Variants in CELSR1 observed in about 807,000 individuals in gnomAD.
CELSR1 encodes adhesion G protein-coupled receptor C1.
Under a neutral mutation model 249.1 loss-of-function variants are expected in CELSR1, and 110 were observed. The observed-to-expected ratio is 0.44, with a 90% CI of 0.38 to 0.52. The LOEUF is 0.52. Ranked by LOEUF, CELSR1 falls within the 20% of genes least tolerant of loss-of-function variation. The probability of loss-of-function intolerance (pLI) is 0.00; values close to 1 mark genes in which losing one functional copy is unlikely to be tolerated. For synonymous variants in CELSR1, 2,113 were observed against 1,900.0 expected (o/e 1.11, Z -2.92); for missense variants, 4,109 against 4,296.4 (o/e 0.96, Z 1.22).
chr22:46,455,482 G>A (rs545100168), intron 2 of CELSR1, among the ~76,000 whole-genome samples: 4 of 152,210 alleles, frequency 2.6e-5, no homozygotes, highest in East Asian at 1.9e-4. Context: ...CACCTGCCTC[G>A]GCCTCCCAAA....
chr22:46,501,115 C>T (rs2080461932), intron 1 of CELSR1, among the ~76,000 whole-genome samples: 1 of 151,872 alleles, frequency 6.6e-6, no homozygotes, highest in African/African-American at 2.4e-5. Context: ...CTCACCGCAA[C>T]CTTCGCCTCC....
chr22:46,443,215 A>C (rs1205639685), intron 2 of CELSR1, among the ~76,000 whole-genome samples: 2 of 152,210 alleles, frequency 1.3e-5, no homozygotes. Flanking sequence ...GCTGAATTTC[A>C]TGAGCATGCA....
chr22:46,390,083 A>T lies in CELSR1; in HGVS notation c.6345+309T>A, dbSNP rs548605252. Among the ~76,000 whole-genome samples the T allele has an allele frequency of 5.9e-5, 9 of 152,352 alleles. No homozygotes were observed. The highest frequency in any genetic ancestry group is 2.2e-4 in the African/African-American group (9 of 41,584). On this transcript the variant is annotated intron_variant, in intron 17 of 34. Transcript: ENST00000674500. The surrounding 1 kb of genome is among the most constrained non-coding windows in gnomAD (Gnocchi z 6.3). ...AGTGGGAGACGTGGGAACAAAAGCC[A>T]TGAAATAGGGCAGGATCAGAGGGCA...
rs529696300 is a variant in CELSR1 at position 46,500,962 on chromosome 22, T to C, written c.3544+32665A>G. On this transcript the variant is annotated intron_variant, in intron 1 of 34. Coordinates refer to ENST00000674500, the MANE Select transcript of CELSR1 (RefSeq NM_001378328.1). This position sits in a 1 kb window ranked among gnomAD's most constrained non-coding sequence, Gnocchi z 4.9. ...TAACACCCCTCCAGAGACCCAAAGA[T>C]CTGAAATGTTAAGATGTTTCCACTA... 6.6e-6 allele frequency among the ~76,000 whole-genome samples: 1 copy of C among 152,298 alleles called. No individual in the cohort carries two copies. Among genetic ancestry groups the C allele is most frequent in the South Asian group, 2.1e-4 (1 of 4,828 alleles).
rs748724538 is a variant in CELSR1 at position 46,448,288 on chromosome 22, TG to T, written c.4184-8878del. 2.7e-5 allele frequency among the ~76,000 whole-genome samples: 4 copies of T among 150,192 alleles called. No individual in the cohort carries two copies. Among genetic ancestry groups the T allele is most frequent in the Non-Finnish European group, 5.9e-5 (4 of 67,504 alleles). ...CCAGGGAAGACAGAGGGCATGGGGG[TG>T]GGGGCAGAGGGCCCACGCGAGGGGA... On this transcript the variant is annotated intron_variant, in intron 2 of 34. Coordinates refer to ENST00000674500, the MANE Select transcript of CELSR1 (RefSeq NM_001378328.1). The surrounding 1 kb of genome is among the most constrained non-coding windows in gnomAD (Gnocchi z 5.7).
rs145330672 is a variant in CELSR1, at chr22:46,409,334, C to T, written c.5060-172G>A. Among the ~76,000 whole-genome samples the T allele has an allele frequency of 5.8e-4, 88 of 152,308 alleles. No individual in the cohort carries two copies. The highest frequency in any genetic ancestry group is 6.8e-3 in the Middle Eastern group (2 of 294). Reference sequence around the variant, plus strand: ...CGCATCCAGCCCTCACAGTCAGCCACGTGGGCTCCAGAGAAGCGCACCCTG... The same window carrying T: ...CGCATCCAGCCCTCACAGTCAGCCATGTGGGCTCCAGAGAAGCGCACCCTG... On this transcript the variant is annotated intron_variant, in intron 8 of 34. Coordinates refer to ENST00000674500, the MANE Select transcript of CELSR1 (RefSeq NM_001378328.1). The surrounding 1 kb of genome is among the most constrained non-coding windows in gnomAD (Gnocchi z 9.8).
rs1245219536 is a variant in CELSR1 at position 46,406,078 on chromosome 22, T to C, written c.5226+2918A>G. Among the ~76,000 whole-genome samples, 1 of 152,186 alleles carries C rather than the reference T, an allele frequency of 6.6e-6. No individual in the cohort carries two copies. Among genetic ancestry groups the C allele is most frequent in the African/African-American group, 2.4e-5 (1 of 41,450 alleles). On this transcript the variant is annotated intron_variant, in intron 9 of 34. Transcript: ENST00000674500. This position sits in a 1 kb window ranked among gnomAD's most constrained non-coding sequence, Gnocchi z 5.4. ...TGTAATTACACAAACAGCACCGGAG[T>C]CTGTGGCTTCCAGCACCATTCCTAC...
rs1410437008 is a variant in CELSR1, at chr22:46,380,668, G to C, written c.7256+120C>G. 10 of 1,202,118 alleles carry C rather than the reference G, an allele frequency of 8.3e-6. No individual in the cohort carries two copies. The highest frequency in any genetic ancestry group is 1.2e-5 in the Non-Finnish European group (10 of 858,966). The allele number at this position is 1,202,118 out of a possible 1,614,324, so 74.5% of individuals were successfully genotyped here. On this transcript the variant is annotated intron_variant, in intron 22 of 34. Coordinates refer to ENST00000674500, the MANE Select transcript of CELSR1 (RefSeq NM_001378328.1). The surrounding 1 kb of genome is among the most constrained non-coding windows in gnomAD (Gnocchi z 5.1). ...TCACTGCCCCCACGGGGGACTTAAA[G>C]GGGAAACACAGACCACAAGAGACCG...
intron 1 of CELSR1, among the ~76,000 whole-genome samples, chr22:46,480,446 T>C (rs2080255434): frequency 6.6e-6 from 1 of 152,182 alleles, no homozygotes; most frequent in African/African-American, 2.4e-5. Flanking sequence ...CAAATGAGTT[T>C]CCCTCCCAAT....
Position 46,381,767 on chromosome 22 carries a change from G to C in CELSR1, c.7088+79C>G. On this transcript the variant is annotated intron_variant, in intron 21 of 34. Transcript: ENST00000674500. This position sits in a 1 kb window ranked among gnomAD's most constrained non-coding sequence, Gnocchi z 6.0. Reference sequence around the variant, plus strand: ...CACTGTGAAGACCTGTGCTTGATCAGGATCAGGATTTTGACCTGTGGAAGC... The same window carrying C: ...CACTGTGAAGACCTGTGCTTGATCACGATCAGGATTTTGACCTGTGGAAGC... 7.7e-7 allele frequency: 1 copy of C among 1,296,512 alleles called. No homozygotes were observed. Among genetic ancestry groups the C allele is most frequent in the Non-Finnish European group, 1.1e-6 (1 of 944,730 alleles). 80.3% of individuals were successfully genotyped at this position (1,296,512 alleles called of 1,614,324 possible).
In CELSR1 at chr22:46,430,011, G is replaced by A. The variant is rs1300562567; in HGVS notation, c.4611+3382C>T. On this transcript the variant is annotated intron_variant, in intron 5 of 34. Coordinates refer to ENST00000674500, the MANE Select transcript of CELSR1 (RefSeq NM_001378328.1). The surrounding 1 kb of genome is among the most constrained non-coding windows in gnomAD (Gnocchi z 4.6). Reference sequence around the variant, plus strand: ...TGTGGGGACCCTGACTGCTCCACCAGCCTGGCAGCTCCCAGGCCCTGTACA... The same window carrying A: ...TGTGGGGACCCTGACTGCTCCACCAACCTGGCAGCTCCCAGGCCCTGTACA... Among the ~76,000 whole-genome samples the A allele has an allele frequency of 6.6e-6, 1 of 152,204 alleles. No individual in the cohort carries two copies. The highest frequency in any genetic ancestry group is 2.4e-5 in the African/African-American group (1 of 41,450).
intron 1 of CELSR1, among the ~76,000 whole-genome samples, chr22:46,519,844 AT>A (rs1379551062): frequency 1.3e-5 from 2 of 149,530 alleles, no homozygotes; most frequent in Non-Finnish European, 3.0e-5. Context: ...CAGGCACAAG[AT>A]TTATAGTTCA....
At position 46,430,032 on chromosome 22, in the gene CELSR1, G is replaced by C. The variant is rs190861352; in HGVS notation, c.4611+3361C>G. Among the ~76,000 whole-genome samples the C allele has an allele frequency of 1.8e-3, 280 of 152,328 alleles. 3 individuals carry two copies. Among genetic ancestry groups the C allele is most frequent in the Admixed American group, 0.015 (234 of 15,308 alleles). On this transcript the variant is annotated intron_variant, in intron 5 of 34. Transcript: ENST00000674500. The surrounding 1 kb of genome is among the most constrained non-coding windows in gnomAD (Gnocchi z 4.6). ...ACCAGCCTGGCAGCTCCCAGGCCCT[G>C]TACACTGGTGGGTGGGGGAAGGGTC...
At chr22:46,370,004 G>A (rs1443011950) in intron 25 of CELSR1, 200 bp from the exon 26 acceptor site, 4 of 657,192 alleles carry the variant, frequency 6.1e-6, no homozygotes, top group Non-Finnish European at 8.4e-6. Flanking sequence ...ACTGGCCCAG[G>A]TGGCAGGAGC....
rs1265242536 is a variant in CELSR1 at position 46,464,513 on chromosome 22, C to T, written c.3545-168G>A. ...ACCACCACCTTGACCCTTCCTCCTT[C>T]AGCACCCTGGCCCCTGCCCCCCATG... is the stretch of plus-strand genomic sequence containing the variant. On this transcript the variant is annotated intron_variant, in intron 1 of 34. Transcript: ENST00000674500. This position sits in a 1 kb window ranked among gnomAD's most constrained non-coding sequence, Gnocchi z 8.5. 6.6e-6 allele frequency among the ~76,000 whole-genome samples: 1 copy of T among 150,754 alleles called. No individual in the cohort carries two copies. The highest frequency in any genetic ancestry group is 2.5e-5 in the African/African-American group (1 of 40,786).
In CELSR1 at chr22:46,423,561, C is replaced by T. The variant is rs1241695434; in HGVS notation, c.4611+9832G>A. Among the ~76,000 whole-genome samples the T allele has an allele frequency of 2.8e-5, 4 of 142,016 alleles. No individual in the cohort carries two copies. The highest frequency in any genetic ancestry group is 4.5e-5 in the Non-Finnish European group (3 of 66,114). 93.2% of individuals were successfully genotyped at this position (142,016 alleles called of 152,430 possible). On this transcript the variant is annotated intron_variant, in intron 5 of 34. Coordinates refer to ENST00000674500, the MANE Select transcript of CELSR1 (RefSeq NM_001378328.1). The surrounding 1 kb of genome is among the most constrained non-coding windows in gnomAD (Gnocchi z 5.6). The stretch of plus-strand genomic sequence containing the variant: ...CAGAGGTTGCGGTGAGCCGAGATCG[C>T]GCCTTTACACTCCAGCCTGGGCAAC...
At chr22:46,457,493 G>A (rs893968952) in intron 2 of CELSR1, among the ~76,000 whole-genome samples, 2 of 152,218 alleles carry the variant, frequency 1.3e-5, no homozygotes, top group Non-Finnish European at 2.9e-5. Flanking sequence ...TGAGGTGAGT[G>A]AAAGTGACTT....
rs187949997 is a variant in CELSR1, at chr22:46,423,845, C to T, written c.4611+9548G>A. Among the ~76,000 whole-genome samples, 9 of 151,466 alleles carry T rather than the reference C, an allele frequency of 5.9e-5. No homozygotes were observed. The highest frequency in any genetic ancestry group is 2.2e-4 in the African/African-American group (9 of 41,194). ...AAATTAGCCAGGCGTGGTGGTGGTG[C>T]GCACCTGTAATCCCAGCTACTTGGG... On this transcript the variant is annotated intron_variant, in intron 5 of 34. Transcript: ENST00000674500. The surrounding 1 kb of genome is among the most constrained non-coding windows in gnomAD (Gnocchi z 5.6).
In CELSR1 at chr22:46,535,290, G is replaced by A. The variant is rs56207834; in HGVS notation, c.1881C>T (p.Asp627=). ...AGPKNPAPTP[D]FPFQIHNSSG... is the part of the protein sequence containing the mutation. ...AGCTGTTGTGGATCTGGAAGGGGAA[G>A]TCAGGGGTGGGGGCAGGATTCTTAG... Residue 627 remains aspartate (D), a synonymous_variant, in exon 1 of 35, where the codon GAC becomes GAT. Transcript: ENST00000674500. The A allele has an allele frequency of 1.3e-3, 2,065 of 1,611,130 alleles. 7 individuals are homozygous for A. The highest frequency in any genetic ancestry group is 3.3e-3 in the Admixed American group (199 of 60,024).
Sources: gnomAD v4.1 joint callset for allele counts (sites outside exome capture counted in the v4.1 genomes callset) on GRCh38, gnomAD v4.1.1 for gene constraint, Gnocchi (gnomAD v3.1) non-coding constraint, MANE v1.5 for transcripts, NCBI Gene and HGNC (gene_info 2026-07-23, HGNC 2026-07-21) for gene names.